Variants in MYO1D observed in about 807,000 individuals in gnomAD.
MYO1D encodes myosin ID.
MYO1D carries 83 observed loss-of-function variants against 122.0 expected under a neutral mutation model. That is an observed-to-expected ratio of 0.68 (90% CI 0.57 to 0.82). MYO1D has a LOEUF of 0.82. MYO1D is among the 40% of genes least tolerant of loss of function. The pLI is 0.00. For synonymous variants in MYO1D, 464 were observed against 446.9 expected (o/e 1.04, Z -0.48); for missense variants, 1,157 against 1,269.5 (o/e 0.91, Z 1.35).
intron 20 of MYO1D, among the ~76,000 whole-genome samples, chr17:32,635,905 G>C (rs1472235244): frequency 1.3e-5 from 2 of 152,072 alleles, no homozygotes; most frequent in Non-Finnish European, 2.9e-5. Flanking sequence ...ATTTGATTTT[G>C]AAACATGATG....
At chr17:32,581,270 G>T (rs758041335) in intron 21 of MYO1D, among the ~76,000 whole-genome samples, 7 of 151,990 alleles carry the variant, frequency 4.6e-5, no homozygotes, top group Non-Finnish European at 7.4e-5. Flanking sequence ...AATATTGATA[G>T]AATTTGTATT....
At chr17:32,624,216 G>GA (rs1847296805) in intron 20 of MYO1D, among the ~76,000 whole-genome samples, 1 of 137,914 alleles carries the variant, frequency 7.3e-6, no homozygotes, top group African/African-American at 2.7e-5. Context: ...TTTTCTTTAA[G>GA]TTTTTTTTTT....
At position 32,792,796 on chromosome 17, in the gene MYO1D, CCAT is replaced by C. The variant is rs375634683; in HGVS notation, c.96-12015_96-12013del. Reference sequence around the variant, plus strand: ...TAGCTGGGACTACAGGTGTACACCACCATGCCTGGCCAATTTTTTGATTTTTCT... The same window carrying C: ...TAGCTGGGACTACAGGTGTACACCACGCCTGGCCAATTTTTTGATTTTTCT... On this transcript the variant is annotated intron_variant, in intron 1 of 21. Coordinates refer to ENST00000318217, the MANE Select transcript of MYO1D (RefSeq NM_015194.3). Among the ~76,000 whole-genome samples, 276 of 152,228 alleles carry C rather than the reference CCAT, an allele frequency of 1.8e-3. 1 individual carries two copies. Among genetic ancestry groups the C allele is most frequent in the African/African-American group, 6.2e-3 (259 of 41,554 alleles).
chr17:32,630,303 A>G (rs1245273022), intron 20 of MYO1D, among the ~76,000 whole-genome samples: 1 of 152,112 alleles, frequency 6.6e-6, no homozygotes, highest in Non-Finnish European at 1.5e-5. Flanking sequence ...GGCTCAAGCA[A>G]TCTTCCCATC....
chr17:32,783,862 A>C (rs1170372610), intron 1 of MYO1D, among the ~76,000 whole-genome samples: 1 of 152,208 alleles, frequency 6.6e-6, no homozygotes, highest in Non-Finnish European at 1.5e-5. Context: ...GGATGTTATC[A>C]TCTCTTACAA....
chr17:32,867,007 TGTC>T (rs2091131434), intron 1 of MYO1D, among the ~76,000 whole-genome samples: 1 of 152,222 alleles, frequency 6.6e-6, no homozygotes, highest in African/African-American at 2.4e-5. Context: ...TTAATTATAT[TGTC>T]ATCAGTTCTC....
chr17:32,741,967 A>T (rs190148692), intron 13 of MYO1D, among the ~76,000 whole-genome samples: 142 of 150,048 alleles, frequency 9.5e-4, no homozygotes, highest in African/African-American at 3.4e-3. Flanking sequence ...GTGAGCCGAG[A>T]TCGCGCCACT....
At chr17:32,807,588 G>A (rs1030966550) in intron 1 of MYO1D, among the ~76,000 whole-genome samples, 1 of 152,138 alleles carries the variant, frequency 6.6e-6, no homozygotes, top group African/African-American at 2.4e-5. Context: ...CGGGAGTTAG[G>A]CAAGGCCATG....
At chr17:32,801,854 A>G (rs2090463957) in intron 1 of MYO1D, among the ~76,000 whole-genome samples, 1 of 152,064 alleles carries the variant, frequency 6.6e-6, no homozygotes, top group South Asian at 2.1e-4. Flanking sequence ...CACAGGAAAT[A>G]CAAGATGAAC....
intron 14 of MYO1D, among the ~76,000 whole-genome samples, chr17:32,726,895 G>A (rs905965458): frequency 1.3e-5 from 2 of 152,032 alleles, no homozygotes; most frequent in African/African-American, 4.8e-5. Flanking sequence ...TACAAGTTAG[G>A]AGGAAGGTAA....
chr17:32,609,294 C>T (rs1231514913), intron 20 of MYO1D, among the ~76,000 whole-genome samples: 1 of 152,156 alleles, frequency 6.6e-6, no homozygotes, highest in Non-Finnish European at 1.5e-5. Flanking sequence ...CTCCTGGCTA[C>T]CACAGGTGCT....
At chr17:32,569,091 T>G (rs1369298204) in intron 21 of MYO1D, among the ~76,000 whole-genome samples, 2 of 152,250 alleles carry the variant, frequency 1.3e-5, no homozygotes, top group Non-Finnish European at 2.9e-5. Flanking sequence ...TGGTGCCTTT[T>G]AAATAAATAC....
intron 1 of MYO1D, among the ~76,000 whole-genome samples, chr17:32,861,940 C>A (rs1250513847): frequency 6.6e-6 from 1 of 152,192 alleles, no homozygotes; most frequent in East Asian, 1.9e-4. Context: ...ATAGCTTGAG[C>A]CCAGGAGGTG....
At chr17:32,699,524 T>C (rs561664645) in intron 16 of MYO1D, among the ~76,000 whole-genome samples, 127 of 152,342 alleles carry the variant, frequency 8.3e-4, no homozygotes, top group African/African-American at 2.8e-3. Context: ...TGTGAAAAGA[T>C]AGTTTCCAGT....
intron 21 of MYO1D, among the ~76,000 whole-genome samples, chr17:32,540,976 T>C (rs558023148): frequency 6.6e-6 from 1 of 150,656 alleles, no homozygotes; most frequent in Non-Finnish European, 1.5e-5. Context: ...ATGGAGAAAT[T>C]AGAAGCTTCA....
chr17:32,669,345 C>G (rs945814527), intron 16 of MYO1D, among the ~76,000 whole-genome samples: 4 of 152,160 alleles, frequency 2.6e-5, no homozygotes, highest in African/African-American at 7.2e-5. Context: ...CTAAAATAGC[C>G]TTTATCTTCC....
intron 20 of MYO1D, among the ~76,000 whole-genome samples, chr17:32,632,695 C>A (rs2088037042): frequency 6.6e-6 from 1 of 151,868 alleles, no homozygotes; most frequent in African/African-American, 2.4e-5. Flanking sequence ...ACCATCATCC[C>A]CCGCTCTTTT....
intron 21 of MYO1D, among the ~76,000 whole-genome samples, chr17:32,508,634 T>C (rs1436551879): frequency 6.6e-6 from 1 of 152,194 alleles, no homozygotes; most frequent in Non-Finnish European, 1.5e-5. Context: ...TCAAACAGTA[T>C]ACAGTGCTTA....
At chr17:32,649,634 C>T (rs944580079) in intron 19 of MYO1D, among the ~76,000 whole-genome samples, 5 of 135,828 alleles carry the variant, frequency 3.7e-5, no homozygotes, top group South Asian at 2.2e-4. Context: ...TGCAGTAGTG[C>T]GATCTCAGCT....
Sources: allele counts gnomAD v4.1 joint callset (sites outside exome capture counted in the v4.1 genomes callset), GRCh38; gene constraint gnomAD v4.1.1; transcripts MANE v1.5; gene names NCBI Gene and HGNC (gene_info 2026-07-23, HGNC 2026-07-21).